The following HSP90B1 variants were observed in gnomAD, a reference collection of about 807,000 sequenced individuals.
The protein encoded by HSP90B1 is heat shock protein 90 beta family member 1, also known as endoplasmin.
Under a neutral mutation model 100.4 loss-of-function variants are expected in HSP90B1, and 27 were observed. That is an observed-to-expected ratio of 0.27 (90% CI 0.20 to 0.37). The LOEUF (loss-of-function observed/expected upper bound fraction) is 0.37, where lower values mean the gene tolerates loss of function less well. HSP90B1 is among the 10% of genes least tolerant of loss of function. HSP90B1 has a pLI of 1.00. For missense variants in HSP90B1, 678 were observed against 960.5 expected, an observed-to-expected ratio of 0.71 and a Z score of 3.89; for synonymous variants, 304 against 330.8, an observed-to-expected ratio of 0.92 and a Z score of 0.88.
At position 103,930,751 on chromosome 12, in the gene HSP90B1, G is replaced by C. The variant is rs935259473; in HGVS notation, c.49+187G>C. ...TTCTTCCTCTGGAAATAAAAAAAGA[G>C]AGCAACATCATCTAACTGCCCTACA... On this transcript the variant is annotated intron_variant, in intron 1 of 17. Coordinates refer to ENST00000299767, the MANE Select transcript of HSP90B1 (RefSeq NM_003299.3). This position sits in a 1 kb window ranked among gnomAD's most constrained non-coding sequence, Gnocchi z 4.4. Among the ~76,000 whole-genome samples the C allele has an allele frequency of 6.6e-6, 1 of 152,182 alleles. No homozygotes were observed. Among genetic ancestry groups the C allele is most frequent in the Admixed American group, 6.5e-5 (1 of 15,284 alleles).
In HSP90B1 at chr12:103,939,640, T is replaced by A. The variant is rs780038723; in HGVS notation, c.1092+15T>A. The A allele has an allele frequency of 5.9e-6, 7 of 1,187,622 alleles. 1 individual carries two copies. The South Asian group carries it at 1.0e-4, about 17-fold the overall frequency. 73.6% of individuals were successfully genotyped at this position (1,187,622 alleles called of 1,614,324 possible). A position where few individuals can be genotyped will look rare whatever the true frequency, so the allele number is the denominator to read the frequency against. On this transcript the variant is annotated intron_variant, in intron 8 of 17. Coordinates refer to ENST00000299767, the MANE Select transcript of HSP90B1 (RefSeq NM_003299.3). ...CATTTTCAAAGGTAAATATTTATAA[T>A]TCCCTAGTTTCTGGTTATTAATGAA... is the stretch of plus-strand genomic sequence containing the variant.
intron 4 of HSP90B1, 135 bp downstream of exon 4, chr12:103,933,077 C>G (rs1869812649): frequency 5.0e-6 from 3 of 604,428 alleles, no homozygotes; most frequent in African/African-American, 3.7e-5. Flanking sequence ...TGAAAGTCAT[C>G]AAACTATGGC....
chr12:103,931,699 T>G (rs752329565), intron 2 of HSP90B1, 76 bp downstream of exon 2: 1 of 1,045,800 alleles, frequency 9.6e-7, no homozygotes, highest in Non-Finnish European at 1.5e-6. Context: ...CTTATGTATC[T>G]CTTCTCCAAA....
chr12:103,932,811 C>G lies in HSP90B1; in HGVS notation c.295-15C>G. 2 of 1,298,570 alleles carry G rather than the reference C, an allele frequency of 1.5e-6. No homozygotes were observed. 80.4% of individuals were successfully genotyped at this position (1,298,570 alleles called of 1,614,324 possible). On this transcript the variant is annotated splice_polypyrimidine_tract_variant and intron_variant, in intron 3 of 17. Transcript: ENST00000299767. ...TGAGGATAGTCTAAGTGTATTCCCT[C>G]TGGCTTCCATTTAGATTTTCCTGAG...
At chr12:103,947,549 G>GTT in intron 17 of HSP90B1, 84 bp from the exon 18 acceptor site, 1 of 1,575,544 alleles carries the variant, frequency 6.3e-7, no homozygotes, top group Non-Finnish European at 8.7e-7. Flanking sequence ...CATTTAAATT[G>GTT]TTTATTTCAT....
chr12:103,947,861 T>A lies in HSP90B1; in HGVS notation c.*199T>A, dbSNP rs1447398902. 7 of 604,522 alleles carry A rather than the reference T, an allele frequency of 1.2e-5. No homozygotes were observed. The highest frequency in any genetic ancestry group is 1.2e-4 in the African/African-American group (6 of 52,050). The allele number at this position is 604,522 out of a possible 1,614,324, so 37.4% of individuals were successfully genotyped here. On this transcript the variant is annotated 3_prime_UTR_variant, in exon 18 of 18. Transcript: ENST00000299767. ...ATTCCTCATGAATGTAAATTTGTAC[T>A]ATTTAACTGACTATTCTTGATGTAA...
intron 11 of HSP90B1, 63 bp downstream of exon 11, chr12:103,941,960 C>T (rs1393305376): frequency 2.4e-6 from 3 of 1,227,670 alleles, no homozygotes; most frequent in Non-Finnish European, 3.4e-6. Context: ...AGGACAGGCT[C>T]CATTTGTGGA....
Position 103,930,419 on chromosome 12 carries a change from A to C in HSP90B1, c.-97A>C. On this transcript the variant is annotated 5_prime_UTR_variant, in exon 1 of 18. Coordinates refer to ENST00000299767, the MANE Select transcript of HSP90B1 (RefSeq NM_003299.3). The surrounding 1 kb of genome is among the most constrained non-coding windows in gnomAD (Gnocchi z 4.4). ...GACCTGCTTGCGGTGTAGTGGGCGG[A>C]CCGCGCGGCTGGAGGTGTGAGGATC... The C allele has an allele frequency of 8.9e-7, 1 of 1,129,670 alleles. No individual in the cohort carries two copies. The highest frequency in any genetic ancestry group is 1.2e-6 in the Non-Finnish European group (1 of 807,108). The allele number at this position is 1,129,670 out of a possible 1,614,324, so 70.0% of individuals were successfully genotyped here.
In HSP90B1 at chr12:103,946,778, C is replaced by G. The variant is rs376797668; in HGVS notation, c.2107-8C>G. ...AATATTAATCTAGTGCATCTTCTTGCATTTCAGGAAGATGAAGATGATAAA... is the reference window on the plus strand; with the variant it reads ...AATATTAATCTAGTGCATCTTCTTGGATTTCAGGAAGATGAAGATGATAAA... On this transcript the variant is annotated splice_polypyrimidine_tract_variant and splice_region_variant and intron_variant, in intron 15 of 17. Transcript: ENST00000299767. 1.5e-5 allele frequency: 25 copies of G among 1,613,418 alleles called. No individual in the cohort carries two copies. Among genetic ancestry groups the G allele is most frequent in the Non-Finnish European group, 1.9e-5 (23 of 1,179,668 alleles).
At chr12:103,937,403 C>G (rs1869948436) in intron 5 of HSP90B1, among the ~76,000 whole-genome samples, 1 of 152,202 alleles carries the variant, frequency 6.6e-6, no homozygotes, top group Admixed American at 6.5e-5. Context: ...AGTGCTTTCT[C>G]ACCTTGAAAA....
In HSP90B1 at chr12:103,930,600, A is replaced by G; in HGVS notation, c.49+36A>G. The G allele has an allele frequency of 1.9e-6, 3 of 1,586,284 alleles. No homozygotes were observed. The highest frequency in any genetic ancestry group is 2.6e-6 in the Non-Finnish European group (3 of 1,167,024). On this transcript the variant is annotated intron_variant, in intron 1 of 17. Coordinates refer to ENST00000299767, the MANE Select transcript of HSP90B1 (RefSeq NM_003299.3). The surrounding 1 kb of genome is among the most constrained non-coding windows in gnomAD (Gnocchi z 4.4). ...CTGGAGGAGCAGACGTCCCCCCTCCACACACGCGGCCGCTTCTCGAAGGTC... is the reference window on the plus strand; with the variant it reads ...CTGGAGGAGCAGACGTCCCCCCTCCGCACACGCGGCCGCTTCTCGAAGGTC...
Position 103,943,213 on chromosome 12 carries a change from G to A in HSP90B1, c.1784G>A (p.Gly595Glu). 6.2e-7 allele frequency: 1 copy of A among 1,614,218 alleles called. No homozygotes were observed. The highest frequency in any genetic ancestry group is 2.2e-5 in the East Asian group (1 of 44,876). ...GKRFQNVAKE[G>E]VKFDESEKTK... ...AGGTTCCAGAATGTTGCCAAGGAAG[G>A]AGTGAAGTTCGATGAAAGTGAGAAA... The change falls in exon 13 of 18, where the codon GGA becomes GAA. Residue 595 changes from glycine to glutamate, a missense_variant. Physicochemically the swap from Gly to Glu is moderately conservative, Grantham distance 98 (BLOSUM62 -2). This residue lies in a region of HSP90B1 where 170 missense variants were observed against 236.7 expected (regional missense o/e 0.72). Transcript: ENST00000299767. This position sits in a 1 kb window ranked among gnomAD's most constrained non-coding sequence, Gnocchi z 5.3.
chr12:103,941,748 G>A (rs747897592), intron 10 of HSP90B1, 42 bp downstream of exon 10: 7 of 1,602,008 alleles, frequency 4.4e-6, no homozygotes, highest in Non-Finnish European at 6.0e-6. Context: ...TTGTTGTGGG[G>A]GTCTGGCAGT....
Position 103,941,707 on chromosome 12 carries a change from G to GT in HSP90B1, c.1308+2dup. The stretch of plus-strand genomic sequence containing the variant: ...ATACCTCAATTTTGTCAAGGGTGTG[G>GT]TAAGTATCTGAAGTTTGGGAGAAGG... On this transcript the variant is annotated splice_donor_variant, in intron 10 of 17. Coordinates refer to ENST00000299767, the MANE Select transcript of HSP90B1 (RefSeq NM_003299.3). LOFTEE classifies it high-confidence loss of function. 1.2e-6 allele frequency: 2 copies of GT among 1,613,802 alleles called. No homozygotes were observed. The highest frequency in any genetic ancestry group is 1.7e-6 in the Non-Finnish European group (2 of 1,179,704).
chr12:103,934,409 A>T, intron 5 of HSP90B1, 122 bp downstream of exon 5: 3 of 791,868 alleles, frequency 3.8e-6, no homozygotes, highest in Non-Finnish European at 6.0e-6. Context: ...TAAAATGAGG[A>T]AACAGAACTG....
intron 5 of HSP90B1, among the ~76,000 whole-genome samples, chr12:103,935,364 A>G (rs1047090286): frequency 6.6e-6 from 1 of 152,138 alleles, no homozygotes; most frequent in Non-Finnish European, 1.5e-5. Flanking sequence ...AAATTTTACC[A>G]TCTTGGAGAT....
chr12:103,934,626 A>T (rs529107719), intron 5 of HSP90B1, among the ~76,000 whole-genome samples: 2 of 152,352 alleles, frequency 1.3e-5, no homozygotes, highest in South Asian at 4.1e-4. Flanking sequence ...GAATAAAGGC[A>T]TGGAGGCATA....
chr12:103,942,621 C>G lies in HSP90B1; in HGVS notation c.1469C>G (p.Thr490Ser). 1 of 1,613,976 alleles carries G rather than the reference C, an allele frequency of 6.2e-7. No homozygotes were observed. The highest frequency in any genetic ancestry group is 8.5e-7 in the Non-Finnish European group (1 of 1,179,882). The change falls in exon 12 of 18, where the codon ACC becomes AGC. Residue 490 changes from threonine (T) to serine (S), a missense_variant. Coordinates refer to ENST00000299767, the MANE Select transcript of HSP90B1 (RefSeq NM_003299.3). ...YNDTFWKEFG[T>S]NIKLGVIEDH... is the part of the protein sequence containing the mutation. ...GATACTTTTTGGAAAGAATTTGGTACCAACATCAAGCTTGGTGTGATTGAA... is the reference window on the plus strand; with the variant it reads ...GATACTTTTTGGAAAGAATTTGGTAGCAACATCAAGCTTGGTGTGATTGAA...
rs1869758749 is a variant in HSP90B1, at chr12:103,931,473, C to G, written c.50-48C>G. 5 of 1,438,568 alleles carry G rather than the reference C, an allele frequency of 3.5e-6. No individual in the cohort carries two copies. In the East Asian group the frequency reaches 1.1e-4, roughly 33 times the overall value. The allele number at this position is 1,438,568 out of a possible 1,614,324, so 89.1% of individuals were successfully genotyped here. A position where few individuals can be genotyped will look rare whatever the true frequency, so the allele number is the denominator to read the frequency against. Reference sequence around the variant, plus strand: ...CTACCCTTCCCTATTTGATCATCCTCCTTGGAGAAGTGTGATGTTGAAGAG... The same window carrying G: ...CTACCCTTCCCTATTTGATCATCCTGCTTGGAGAAGTGTGATGTTGAAGAG... On this transcript the variant is annotated intron_variant, in intron 1 of 17. Coordinates refer to ENST00000299767, the MANE Select transcript of HSP90B1 (RefSeq NM_003299.3).
Sources: gnomAD v4.1 joint callset for allele counts (sites outside exome capture counted in the v4.1 genomes callset) on GRCh38, gnomAD v4.1.1 for gene constraint, gnomAD v4.1.1 regional missense constraint, Gnocchi (gnomAD v3.1) non-coding constraint, MANE v1.5 for transcripts, NCBI Gene and HGNC (gene_info 2026-07-23, HGNC 2026-07-21) for gene names.